Variants in NTN1 observed in about 807,000 individuals in gnomAD.
NTN1 encodes netrin 1, also known as netrin-1.
Under a neutral mutation model 54.2 loss-of-function variants are expected in NTN1, and 11 were observed. That is an observed-to-expected ratio of 0.20 (90% confidence interval 0.13 to 0.34). NTN1 has a LOEUF of 0.34. NTN1 is among the 10% of genes least tolerant of loss of function. NTN1 has a pLI of 1.00. For missense variants in NTN1, 740 were observed against 893.1 expected (o/e 0.83, Z 2.18); for synonymous variants, 371 against 382.0 (o/e 0.97, Z 0.33).
intron 2 of NTN1, among the ~76,000 whole-genome samples, chr17:9,086,732 T>C (rs1021015893): frequency 6.6e-6 from 1 of 152,154 alleles, no homozygotes; most frequent in Non-Finnish European, 1.5e-5. Context: ...TTACCATCAT[T>C]GCCATCATCA....
chr17:9,062,621 T>G (rs1210850821), intron 2 of NTN1, among the ~76,000 whole-genome samples: 3 of 152,208 alleles, frequency 2.0e-5, no homozygotes, highest in African/African-American at 7.2e-5. Flanking sequence ...CCATGAAGTA[T>G]TCTGACAGCC....
chr17:9,205,986 G>A (rs569865549), intron 5 of NTN1, among the ~76,000 whole-genome samples: 1 of 152,356 alleles, frequency 6.6e-6, no homozygotes, highest in African/African-American at 2.4e-5. Flanking sequence ...GACGGGCTGA[G>A]CTCCAACTGG....
In NTN1 at chr17:9,138,947, C is replaced by T. The variant is rs142144726; in HGVS notation, c.1019-23866C>T. Among the ~76,000 whole-genome samples, 29 of 152,262 alleles carry T rather than the reference C, an allele frequency of 1.9e-4. No homozygotes were observed. In the East Asian group the frequency reaches 3.3e-3, roughly 17 times the overall value. On this transcript the variant is annotated intron_variant, in intron 2 of 6. Coordinates refer to ENST00000173229, the MANE Select transcript of NTN1 (RefSeq NM_004822.3). Reference sequence around the variant, plus strand: ...ATGCATCCAGGGCTCAAGTCCCCTCCGATATCCCTGAATGTGCTTTTCACC... The same window carrying T: ...ATGCATCCAGGGCTCAAGTCCCCTCTGATATCCCTGAATGTGCTTTTCACC...
intron 2 of NTN1, among the ~76,000 whole-genome samples, chr17:9,101,228 G>A (rs751280537): frequency 1.3e-5 from 2 of 152,100 alleles, no homozygotes; most frequent in Non-Finnish European, 2.9e-5. Flanking sequence ...CATACAGTAG[G>A]GCCTCAATAA....
the NTN1 span, among the ~76,000 whole-genome samples, chr17:9,004,224 G>A: frequency 1.3e-5 from 2 of 152,284 alleles, no homozygotes; most frequent in African/African-American, 2.4e-5. Flanking sequence ...CAGACCCTCC[G>A]GAGCGTGCCC....
chr17:9,164,424 C>T (rs567933481), intron 3 of NTN1, among the ~76,000 whole-genome samples: 2 of 139,256 alleles, frequency 1.4e-5, no homozygotes, highest in East Asian at 2.1e-4. Context: ...AACACTGTCT[C>T]GAAAAAAAAA....
Position 9,243,443 on chromosome 17 carries a change from G to A in NTN1, c.*3475G>A, listed in dbSNP as rs138229637. The A allele has an allele frequency of 7.7e-6, 1 of 130,490 alleles. No individual in the cohort carries two copies. Among genetic ancestry groups the A allele is most frequent in the Non-Finnish European group, 1.8e-5 (1 of 56,366 alleles). 8.1% of individuals were successfully genotyped at this position (130,490 alleles called of 1,614,324 possible). A position where few individuals can be genotyped will look rare whatever the true frequency, so the allele number is the denominator to read the frequency against. On this transcript the variant is annotated 3_prime_UTR_variant, in exon 7 of 7. Transcript: ENST00000173229. ...CCTAAGGGACTGGGGAATGGTTCCT[G>A]CCTTCAGGAAAGTGAAAGACGCTTA...
At chr17:9,100,299 T>TA (rs1345982237) in intron 2 of NTN1, among the ~76,000 whole-genome samples, 1 of 152,088 alleles carries the variant, frequency 6.6e-6, no homozygotes, top group African/African-American at 2.4e-5. Context: ...TGCATATCTT[T>TA]ATTTATTTAT....
At chr17:9,071,896 G>A (rs2092033159) in intron 2 of NTN1, among the ~76,000 whole-genome samples, 2 of 152,252 alleles carry the variant, frequency 1.3e-5, no homozygotes, top group Admixed American at 1.3e-4. Flanking sequence ...CTGACCAGGT[G>A]ATGGGGGTGT....
the NTN1 span, among the ~76,000 whole-genome samples, chr17:9,016,156 A>G: frequency 6.6e-6 from 1 of 151,998 alleles, no homozygotes. Context: ...CACCTTCTAC[A>G]TCTCATCCTT....
intron 2 of NTN1, among the ~76,000 whole-genome samples, chr17:9,076,672 G>C (rs919043809): frequency 6.6e-6 from 1 of 152,146 alleles, no homozygotes; most frequent in Non-Finnish European, 1.5e-5. Flanking sequence ...CATTGCGCCC[G>C]GCCTAGGTTC....
At chr17:9,153,948 CTGTT>C (rs779800342) in intron 2 of NTN1, among the ~76,000 whole-genome samples, 15 of 152,328 alleles carry the variant, frequency 9.8e-5, no homozygotes, top group Admixed American at 5.2e-4. Context: ...ATCTAGGAGA[CTGTT>C]TGTCAATGGT....
chr17:9,028,303 C>T (rs186894569), intron 2 of NTN1, among the ~76,000 whole-genome samples: 1 of 152,172 alleles, frequency 6.6e-6, no homozygotes, highest in African/African-American at 2.4e-5. Flanking sequence ...TGACATGAGT[C>T]AGCAGCACAG....
chr17:9,203,469 G>A (rs1904869908), intron 5 of NTN1, among the ~76,000 whole-genome samples: 1 of 152,132 alleles, frequency 6.6e-6, no homozygotes, highest in Non-Finnish European at 1.5e-5. Flanking sequence ...TGTAAAGTAG[G>A]GAGGAAATGG....
At chr17:9,125,860 TTATTACCA>T (rs1331023407) in intron 2 of NTN1, among the ~76,000 whole-genome samples, 1 of 152,182 alleles carries the variant, frequency 6.6e-6, no homozygotes, top group African/African-American at 2.4e-5. Flanking sequence ...CTGATACGGG[TTATTACCA>T]TCACTTACTG....
intron 2 of NTN1, among the ~76,000 whole-genome samples, chr17:9,101,521 C>A (rs907611048): frequency 1.1e-4 from 17 of 152,134 alleles, no homozygotes; most frequent in Admixed American, 1.1e-3. Context: ...CCCTTGGGAC[C>A]CTGTTATGAG....
intron 5 of NTN1, among the ~76,000 whole-genome samples, chr17:9,198,614 T>C (rs1192834405): frequency 6.6e-6 from 1 of 152,162 alleles, no homozygotes; most frequent in Non-Finnish European, 1.5e-5. Context: ...AACCTGGTGG[T>C]TATTCTCTGA....
rs2091859003 is a variant in NTN1, at chr17:9,023,189, C to T, written c.816C>T (p.Tyr272=). The T allele has an allele frequency of 6.4e-7, 1 of 1,563,584 alleles. No individual in the cohort carries two copies. The highest frequency in any genetic ancestry group is 8.7e-7 in the Non-Finnish European group (1 of 1,151,630). ...ACTCGGAGCTGGCGCGCGACTCGTA[C>T]TTCTACGCGGTGTCCGACCTGCAGG... ...EDDSELARDS[Y]FYAVSDLQVG... The change falls in exon 2 of 7, where the codon TAC becomes TAT. Residue 272 remains tyrosine, a synonymous_variant. Coordinates refer to ENST00000173229, the MANE Select transcript of NTN1 (RefSeq NM_004822.3).
At chr17:9,210,208 C>T (rs1224912986) in intron 5 of NTN1, among the ~76,000 whole-genome samples, 1 of 152,086 alleles carries the variant, frequency 6.6e-6, no homozygotes, top group Non-Finnish European at 1.5e-5. Flanking sequence ...GGCCTTTGCA[C>T]AGGCTGCTCC....
Sources: allele counts gnomAD v4.1 joint callset (sites outside exome capture counted in the v4.1 genomes callset), GRCh38; gene constraint gnomAD v4.1.1; transcripts MANE v1.5; gene names NCBI Gene and HGNC (gene_info 2026-07-23, HGNC 2026-07-21).